The following CEP104 variants were observed in gnomAD, a reference collection of about 807,000 sequenced individuals.
CEP104 encodes the protein centrosomal protein 104, also known as centrosomal protein of 104 kDa.
CEP104 carries 84 observed loss-of-function variants against 113.3 expected under a neutral mutation model. The ratio of observed to expected loss-of-function variants is 0.74; its 90% CI spans 0.62 to 0.89. The LOEUF is 0.89. Among genes scored for constraint, CEP104 ranks in the 40% least tolerant of loss-of-function variants. The pLI, the probability that CEP104 is intolerant of heterozygous loss-of-function variation, is 0.00. For missense variants in CEP104, 1,053 were observed against 1,156.6 expected (o/e 0.91, Z 1.30); for synonymous variants, 378 against 421.7 (o/e 0.90, Z 1.27).
At position 3,828,153 on chromosome 1, in the gene CEP104, G is replaced by A. The variant is rs79070458; in HGVS notation, c.2151+1113C>T. 5.0e-3 allele frequency among the ~76,000 whole-genome samples: 768 copies of A among 152,186 alleles called. 3 individuals carry two copies. Among genetic ancestry groups the A allele is most frequent in the African/African-American group, 0.017 (712 of 41,524 alleles). ...GGTCCTGGGCTGTGGTGAGGGAGGCGGGAGGCAGGCGCCTGGCAATGGGCT... is the reference window on the plus strand; with the variant it reads ...GGTCCTGGGCTGTGGTGAGGGAGGCAGGAGGCAGGCGCCTGGCAATGGGCT... On this transcript the variant is annotated intron_variant, in intron 15 of 21. Transcript: ENST00000378230.
intron 1 of CEP104, among the ~76,000 whole-genome samples, chr1:3,854,334 G>C (rs921354840): frequency 6.6e-6 from 1 of 151,960 alleles, no homozygotes; most frequent in Non-Finnish European, 1.5e-5. Flanking sequence ...GCTCTTGGTG[G>C]GCTCCCCATC....
chr1:3,836,486 T>A lies in CEP104; in HGVS notation c.1317+9A>T. 1 of 1,526,726 alleles carries A rather than the reference T, an allele frequency of 6.5e-7. No individual in the cohort carries two copies. The highest frequency in any genetic ancestry group is 8.7e-7 in the Non-Finnish European group (1 of 1,146,770). The allele number at this position is 1,526,726 out of a possible 1,614,324, so 94.6% of individuals were successfully genotyped here. A position where few individuals can be genotyped will look rare whatever the true frequency, so the allele number is the denominator to read the frequency against. On this transcript the variant is annotated intron_variant, in intron 10 of 21. Coordinates refer to ENST00000378230, the MANE Select transcript of CEP104 (RefSeq NM_014704.4). ...CCACCCCGTTTTTTTTTTTTTTTTTTTTTTTTACCAAGGTTTCTCCCAACA... is the reference window on the plus strand; with the variant it reads ...CCACCCCGTTTTTTTTTTTTTTTTTATTTTTTACCAAGGTTTCTCCCAACA...
rs1213110127 is a variant in CEP104 at position 3,826,683 on chromosome 1, T to C, written c.2188+25A>G. On this transcript the variant is annotated intron_variant, in intron 16 of 21. Coordinates refer to ENST00000378230, the MANE Select transcript of CEP104 (RefSeq NM_014704.4). ...CCGATTCTTTACACACCCCAGTTCT[T>C]TGTGCACCCCAATTCTTTACATACC... The C allele has an allele frequency of 4.3e-6, 7 of 1,613,388 alleles. No individual in the cohort carries two copies. The Admixed American group carries it at 6.7e-5, about 15-fold the overall frequency.
intron 10 of CEP104, among the ~76,000 whole-genome samples, chr1:3,835,372 C>T (rs190788044): frequency 6.6e-6 from 1 of 152,020 alleles, no homozygotes; most frequent in East Asian, 1.9e-4. Flanking sequence ...GAGGGAAAAC[C>T]CTACTCATTT....
rs1259118935 is a variant in CEP104, at chr1:3,839,046, T to A, written c.809A>T (p.Lys270Met). The change falls in exon 8 of 22, where the codon AAG (lysine) becomes ATG (methionine). Residue 270 changes from lysine to methionine, a missense_variant. Coordinates refer to ENST00000378230, the MANE Select transcript of CEP104 (RefSeq NM_014704.4). ...AVEKEDYDLAKEKKQQMEQYR... is the reference protein window; with the variant it reads ...AVEKEDYDLAMEKKQQMEQYR... ...CTGCTCCATCTGCTGCTTCTTCTCC[T>A]TGGCGAGATCGTAGTCTTCCTTCTC... 6.2e-7 allele frequency: 1 copy of A among 1,614,006 alleles called. No homozygotes were observed. The highest frequency in any genetic ancestry group is 1.7e-5 in the Admixed American group (1 of 59,990).
chr1:3,816,320 G>T lies in CEP104; in HGVS notation c.2622C>A (p.Arg874=), dbSNP rs772181083. ...GGGCCTTCTGCAGAATGTGTGTCTT[G>T]CGCAGGTTCATCGTGCAGCCGGCTG... The part of the protein sequence containing the change: ...MGPAGCTMNL[R]KTHILQKAPA... Residue 874 remains arginine (R), a synonymous_variant, in exon 21 of 22, where the codon CGC becomes CGA. Transcript: ENST00000378230. The T allele has an allele frequency of 1.3e-6, 2 of 1,553,620 alleles. No homozygotes were observed. Among genetic ancestry groups the T allele is most frequent in the Non-Finnish European group, 1.7e-6 (2 of 1,148,084 alleles).
At chr1:3,817,230 T>TA (rs1643893694) in intron 20 of CEP104, among the ~76,000 whole-genome samples, 1 of 152,080 alleles carries the variant, frequency 6.6e-6, no homozygotes, top group African/African-American at 2.4e-5. Flanking sequence ...TAATCCCAGC[T>TA]ACTCAGGAGG....
At chr1:3,827,619 CCATGCCACCACAG>C (rs1644117395) in intron 15 of CEP104, among the ~76,000 whole-genome samples, 1 of 152,216 alleles carries the variant, frequency 6.6e-6, no homozygotes, top group African/African-American at 2.4e-5. Context: ...TGAGAGCACT[CCATGCCACCACAG>C]TGTGCACTGA....
At chr1:3,830,897 C>T in intron 13 of CEP104, 149 bp downstream of exon 13, 1 of 754,982 alleles carries the variant, frequency 1.3e-6, no homozygotes, top group Non-Finnish European at 2.1e-6. Flanking sequence ...CATGTGGGGG[C>T]CCCCATTTGT....
chr1:3,814,866 C>T lies in CEP104; in HGVS notation c.*536G>A, dbSNP rs567738491. ...GGCTGAGTGCACTGGGCAGCAGGCC[C>T]AGCAGACGGGGCCTGCAGGGGGAAG... On this transcript the variant is annotated 3_prime_UTR_variant, in exon 22 of 22. Coordinates refer to ENST00000378230, the MANE Select transcript of CEP104 (RefSeq NM_014704.4). The T allele has an allele frequency of 6.5e-6, 1 of 153,554 alleles. No individual in the cohort carries two copies. Among genetic ancestry groups the T allele is most frequent in the Admixed American group, 6.4e-5 (1 of 15,610 alleles). The allele number at this position is 153,554 out of a possible 1,614,324, so 9.5% of individuals were successfully genotyped here.
rs568602690 is a variant in CEP104, at chr1:3,845,844, A to G, written c.427-493T>C. 4.1e-4 allele frequency among the ~76,000 whole-genome samples: 62 copies of G among 152,104 alleles called. 1 individual carries two copies. The highest frequency in any genetic ancestry group is 8.2e-4 in the Non-Finnish European group (56 of 68,004). ...GCCTCATGCCTGTAATCCCATCACT[A>G]TGGGAGGCCAAGGTGGAAGGATCAC... On this transcript the variant is annotated intron_variant, in intron 4 of 21. Coordinates refer to ENST00000378230, the MANE Select transcript of CEP104 (RefSeq NM_014704.4).
At chr1:3,850,424 T>C (rs1380323599) in intron 2 of CEP104, among the ~76,000 whole-genome samples, 4 of 152,220 alleles carry the variant, frequency 2.6e-5, no homozygotes, top group African/African-American at 9.6e-5. Context: ...GGGCTACGGT[T>C]GGTGCAAACT....
In CEP104 at chr1:3,839,578, A is replaced by G. The variant is rs574044155; in HGVS notation, c.735+30T>C. On this transcript the variant is annotated intron_variant, in intron 7 of 21. Transcript: ENST00000378230. ...TACATAAAACCTATTACAGGCATAA[A>G]TTAGGAACTGTTTTCTCCAAAGGCA... The G allele has an allele frequency of 1.4e-5, 22 of 1,591,004 alleles. No homozygotes were observed. In the South Asian group the frequency reaches 2.4e-4, roughly 17 times the overall value.
Position 3,830,119 on chromosome 1 carries a change from A to G in CEP104, c.1837-122T>C, listed in dbSNP as rs565271895. On this transcript the variant is annotated intron_variant, in intron 13 of 21. Transcript: ENST00000378230. ...AGAGAAAACATCCGTATTAAGTATT[A>G]TGAAATACTTCAAACATAAAACCTC... 48 of 697,874 alleles carry G rather than the reference A, an allele frequency of 6.9e-5. No individual in the cohort carries two copies. In the African/African-American group the frequency reaches 7.9e-4, roughly 12 times the overall value. 43.2% of individuals were successfully genotyped at this position (697,874 alleles called of 1,614,324 possible).
chr1:3,851,134 G>A (rs1386683671), intron 2 of CEP104, among the ~76,000 whole-genome samples: 2 of 152,096 alleles, frequency 1.3e-5, no homozygotes, highest in Non-Finnish European at 2.9e-5. Flanking sequence ...ATCGGCCACG[G>A]CCTGGGCAGT....
chr1:3,825,710 G>A (rs1644076826), intron 18 of CEP104, 48 bp downstream of exon 18: 5 of 1,212,334 alleles, frequency 4.1e-6, no homozygotes, highest in African/African-American at 1.5e-5. Context: ...TCAACAGCCA[G>A]GTGTTCCCGC....
At position 3,839,816 on chromosome 1, in the gene CEP104, C is replaced by T. The variant is rs764327896; in HGVS notation, c.567-40G>A. On this transcript the variant is annotated intron_variant, in intron 6 of 21. Transcript: ENST00000378230. ...TGCATATTTTAGAGATAATTTCACG[C>T]CCTAGGAGTTCAGTGCTGAAGATGC... is the stretch of plus-strand genomic sequence containing the variant. The T allele has an allele frequency of 6.4e-6, 10 of 1,553,850 alleles. No homozygotes were observed. In the Admixed American group the frequency reaches 1.2e-4, roughly 19 times the overall value.
chr1:3,833,896 G>A lies in CEP104; in HGVS notation c.1625C>T (p.Ala542Val). The A allele has an allele frequency of 3.1e-6, 5 of 1,614,236 alleles. No homozygotes were observed. The highest frequency in any genetic ancestry group is 4.2e-6 in the Non-Finnish European group (5 of 1,180,038). Residue 542 changes from alanine to valine, a missense_variant, in exon 12 of 22, where the codon GCC (alanine) becomes GTC (valine). Coordinates refer to ENST00000378230, the MANE Select transcript of CEP104 (RefSeq NM_014704.4). ...ATTTGCAGCTGTGACGCGGAGGCGGGCAGAAGAATCTCCAGTTCTGGTGAG... is the reference window on the plus strand; with the variant it reads ...ATTTGCAGCTGTGACGCGGAGGCGGACAGAAGAATCTCCAGTTCTGGTGAG... Reference protein sequence around the residue: ...VLLTRTGDSSARLRVTAANFI... With the variant: ...VLLTRTGDSSVRLRVTAANFI...
intron 6 of CEP104, among the ~76,000 whole-genome samples, chr1:3,843,542 GGGTTTT>G (rs1362670362): frequency 7.6e-6 from 1 of 131,034 alleles, no homozygotes; most frequent in African/African-American, 3.5e-5. Flanking sequence ...AGTAGAGATG[GGGTTTT>G]GACATGTTCC....
Sources: allele counts gnomAD v4.1 joint callset (sites outside exome capture counted in the v4.1 genomes callset), GRCh38; gene constraint gnomAD v4.1.1; transcripts MANE v1.5; gene names NCBI Gene and HGNC (gene_info 2026-07-23, HGNC 2026-07-21).